The following CDH13 variants were observed in gnomAD, a reference collection of about 807,000 sequenced individuals.
CDH13 encodes the protein cadherin-13.
Under a neutral mutation model 63.8 loss-of-function variants are expected in CDH13, and 24 were observed. The observed-to-expected ratio is 0.38, with a 90% confidence interval of 0.27 to 0.53. CDH13 has a LOEUF of 0.53. CDH13 is among the 20% of genes least tolerant of loss of function. CDH13 has a pLI of 0.85. For missense variants in CDH13, 1,049 were observed against 903.1 expected (o/e 1.16, Z -2.07); for synonymous variants, 503 against 355.3 (o/e 1.42, Z -4.67).
intron 6 of CDH13, among the ~76,000 whole-genome samples, chr16:83,365,898 T>TC: frequency 6.6e-6 from 1 of 152,104 alleles, no homozygotes; most frequent in Admixed American, 6.5e-5. Context: ...AAAGGATTTT[T>TC]CCCCCCAGGG....
At chr16:83,523,382 C>A (rs975876752) in intron 7 of CDH13, among the ~76,000 whole-genome samples, 1 of 152,232 alleles carries the variant, frequency 6.6e-6, no homozygotes, top group Non-Finnish European at 1.5e-5. Context: ...TGACCTAGCC[C>A]ATGCTCTTCA....
chr16:83,356,380 C>T lies in CDH13; in HGVS notation c.781+11374C>T, dbSNP rs551351690. Reference sequence around the variant, plus strand: ...TACTGGTGGTAACCTCAAATAAAGCCAGATTCTCCCCCTAGCGGTAGTTTG... The same window carrying T: ...TACTGGTGGTAACCTCAAATAAAGCTAGATTCTCCCCCTAGCGGTAGTTTG... On this transcript the variant is annotated intron_variant, in intron 6 of 13. Transcript: ENST00000567109. 1.8e-4 allele frequency among the ~76,000 whole-genome samples: 27 copies of T among 152,146 alleles called. No individual in the cohort carries two copies. In the South Asian group the frequency reaches 5.4e-3, roughly 30 times the overall value.
intron 2 of CDH13, among the ~76,000 whole-genome samples, chr16:83,014,770 ATATATG>A (rs1208815400): frequency 0.029 from 2,059 of 72,028 alleles, 238 homozygotes; most frequent in African/African-American, 0.031. Flanking sequence ...ATATATATAT[ATATATG>A]TATATATATA....
intron 1 of CDH13, among the ~76,000 whole-genome samples, chr16:82,639,036 A>C (rs1197850596): frequency 6.6e-6 from 1 of 152,220 alleles, no homozygotes; most frequent in Non-Finnish European, 1.5e-5. Flanking sequence ...AAGGCCACAC[A>C]GTCACTGAGA....
chr16:83,027,444 C>T (rs966014770), intron 2 of CDH13, among the ~76,000 whole-genome samples: 5 of 152,030 alleles, frequency 3.3e-5, no homozygotes, highest in African/African-American at 1.2e-4. Flanking sequence ...GTGAGAAATG[C>T]CTTCTGCAGA....
intron 3 of CDH13, among the ~76,000 whole-genome samples, chr16:83,065,977 T>A (rs1466705338): frequency 6.6e-6 from 1 of 152,196 alleles, no homozygotes; most frequent in African/African-American, 2.4e-5. Flanking sequence ...AGTCCAGGTA[T>A]AAAACAACCA....
At chr16:82,734,595 C>T (rs946939182) in intron 1 of CDH13, among the ~76,000 whole-genome samples, 2 of 152,158 alleles carry the variant, frequency 1.3e-5, no homozygotes, top group Non-Finnish European at 2.9e-5. Flanking sequence ...AGAAGCAACT[C>T]TGAGATGGAG....
intron 6 of CDH13, among the ~76,000 whole-genome samples, chr16:83,348,011 G>A (rs2090874629): frequency 1.3e-5 from 2 of 152,072 alleles, no homozygotes; most frequent in African/African-American, 4.8e-5. Context: ...ACAATGTGGT[G>A]AAACCCCATT....
intron 11 of CDH13, among the ~76,000 whole-genome samples, chr16:83,751,559 A>G (rs1277353838): frequency 2.0e-5 from 3 of 152,220 alleles, no homozygotes; most frequent in African/African-American, 7.2e-5. Context: ...AATACAGGTA[A>G]GAGAAAAGAG....
chr16:82,686,390 T>C (rs1915073130), intron 1 of CDH13, among the ~76,000 whole-genome samples: 1 of 152,128 alleles, frequency 6.6e-6, no homozygotes, highest in Non-Finnish European at 1.5e-5. Flanking sequence ...ATGCAGAGGG[T>C]CTTAGCATCC....
At chr16:82,709,268 G>A (rs1219577860) in intron 1 of CDH13, among the ~76,000 whole-genome samples, 4 of 152,036 alleles carry the variant, frequency 2.6e-5, no homozygotes, top group African/African-American at 9.7e-5. Context: ...TTTAATCCCA[G>A]GAACCAAGAA....
At chr16:82,859,994 C>A (rs1016347205) in intron 2 of CDH13, among the ~76,000 whole-genome samples, 2 of 152,128 alleles carry the variant, frequency 1.3e-5, no homozygotes, top group Non-Finnish European at 2.9e-5. Context: ...AGTGTGACTC[C>A]TGGGTCAGGC....
intron 6 of CDH13, among the ~76,000 whole-genome samples, chr16:83,392,358 CTTATA>C (rs1451120561): frequency 6.6e-6 from 1 of 152,174 alleles, no homozygotes; most frequent in Non-Finnish European, 1.5e-5. Context: ...TTATATATAA[CTTATA>C]TTGTATATTA....
At chr16:83,519,801 G>C (rs534273523) in intron 7 of CDH13, among the ~76,000 whole-genome samples, 49 of 152,226 alleles carry the variant, frequency 3.2e-4, no homozygotes, top group African/African-American at 8.9e-4. Context: ...GTGAATGGTG[G>C]GGGGAACAAG....
At chr16:83,701,415 G>A (rs1033547176) in intron 10 of CDH13, among the ~76,000 whole-genome samples, 3 of 152,142 alleles carry the variant, frequency 2.0e-5, no homozygotes, top group African/African-American at 7.2e-5. Flanking sequence ...TATCCATGCG[G>A]TGCACTCTGT....
At chr16:83,106,118 A>G (rs543231549) in intron 3 of CDH13, among the ~76,000 whole-genome samples, 1 of 152,360 alleles carries the variant, frequency 6.6e-6, no homozygotes, top group South Asian at 2.1e-4. Flanking sequence ...TGATCCAGTA[A>G]CACCTCTTTT....
intron 2 of CDH13, among the ~76,000 whole-genome samples, chr16:82,922,135 T>C (rs4635337): frequency 0.37 from 55,508 of 151,954 alleles, 11,396 homozygotes; most frequent in Non-Finnish European, 0.47. Flanking sequence ...ATTAATTTGG[T>C]GATCTGTGTC....
intron 2 of CDH13, chr16:82,884,246 A>T: frequency 2.2e-6 from 1 of 454,732 alleles, no homozygotes; most frequent in African/African-American, 2.0e-5. Context: ...CTGGGCTCCC[A>T]TGAGAAGGAA....
intron 5 of CDH13, among the ~76,000 whole-genome samples, chr16:83,236,279 C>G (rs2040141726): frequency 7.1e-6 from 1 of 140,326 alleles, no homozygotes; most frequent in Non-Finnish European, 1.6e-5. Flanking sequence ...TTTGTGCTGT[C>G]TTGGGAGCAT....
Sources: gnomAD v4.1 joint callset for allele counts (sites outside exome capture counted in the v4.1 genomes callset) on GRCh38, gnomAD v4.1.1 for gene constraint, MANE v1.5 for transcripts, NCBI Gene and HGNC (gene_info 2026-07-23, HGNC 2026-07-21) for gene names.